CNTNAP2: variants seen among roughly 807,000 people sequenced by gnomAD.
CNTNAP2 encodes contactin-associated protein-like 2.
A neutral mutation model predicts 155.2 loss-of-function variants in CNTNAP2; 98 were observed. The observed-to-expected ratio is 0.63, with a 90% CI of 0.54 to 0.75. The LOEUF (loss-of-function observed/expected upper bound fraction) is 0.75, where lower values mean the gene tolerates loss of function less well. CNTNAP2 is among the 30% of genes least tolerant of loss of function. The pLI is 0.00. For synonymous variants in CNTNAP2, 651 were observed against 631.2 expected (o/e 1.03, Z -0.47); for missense variants, 1,727 against 1,688.1 (o/e 1.02, Z -0.40).
intron 8 of CNTNAP2, among the ~76,000 whole-genome samples, chr7:147,261,919 T>C (rs1025323117): frequency 6.6e-6 from 1 of 152,178 alleles, no homozygotes; most frequent in African/African-American, 2.4e-5. Flanking sequence ...TAATTAAGAA[T>C]CATAATTAAC....
chr7:147,065,634 C>T (rs1799764850), intron 4 of CNTNAP2, among the ~76,000 whole-genome samples: 3 of 152,042 alleles, frequency 2.0e-5, no homozygotes. Flanking sequence ...GTTCAGTTTC[C>T]CTTGTATCTT....
intron 14 of CNTNAP2, among the ~76,000 whole-genome samples, chr7:147,973,160 TAAAAA>T (rs35756000): frequency 0.42 from 50,877 of 121,024 alleles, 11,433 homozygotes; most frequent in Middle Eastern, 0.66. Context: ...TCTCTAAAAT[TAAAAA>T]AAAAAAAAAA....
At chr7:147,224,025 G>A (rs979072789) in intron 8 of CNTNAP2, among the ~76,000 whole-genome samples, 1 of 113,486 alleles carries the variant, frequency 8.8e-6, no homozygotes, top group African/African-American at 3.9e-5. Flanking sequence ...AGTTGGGTTG[G>A]CCCAAGGCCA....
intron 1 of CNTNAP2, among the ~76,000 whole-genome samples, chr7:146,615,368 TGAATCACTA>T (rs1268691545): frequency 6.6e-6 from 1 of 152,198 alleles, no homozygotes; most frequent in Non-Finnish European, 1.5e-5. Flanking sequence ...GACTCCCTTG[TGAATCACTA>T]GATTAACCAA....
intron 1 of CNTNAP2, among the ~76,000 whole-genome samples, chr7:146,489,734 G>C (rs1797111005): frequency 6.6e-6 from 1 of 152,096 alleles, no homozygotes; most frequent in South Asian, 2.1e-4. Context: ...GGTGAAGATG[G>C]GTGGAGAGGA....
intron 1 of CNTNAP2, among the ~76,000 whole-genome samples, chr7:146,545,672 C>T (rs1349818275): frequency 1.3e-5 from 2 of 151,738 alleles, no homozygotes; most frequent in African/African-American, 4.8e-5. Context: ...ATTAAAAAGT[C>T]AGGAAACAAC....
At chr7:147,913,918 C>T (rs1478446302) in intron 14 of CNTNAP2, among the ~76,000 whole-genome samples, 1 of 152,092 alleles carries the variant, frequency 6.6e-6, no homozygotes, top group African/African-American at 2.4e-5. Flanking sequence ...ACTGAGGTTA[C>T]TTTTTTGAGG....
intron 1 of CNTNAP2, among the ~76,000 whole-genome samples, chr7:146,513,799 G>GTTT (rs1797502271): frequency 6.6e-6 from 1 of 151,800 alleles, no homozygotes. Flanking sequence ...TTAAGATGTT[G>GTTT]TTTAACTGCA....
At chr7:148,169,195 A>T (rs979591207) in intron 17 of CNTNAP2, among the ~76,000 whole-genome samples, 3 of 152,232 alleles carry the variant, frequency 2.0e-5, no homozygotes, top group East Asian at 1.9e-4. Context: ...AAGGGAAAAC[A>T]TTAAAATTAC....
chr7:147,333,257 A>G (rs1795605601), intron 9 of CNTNAP2, among the ~76,000 whole-genome samples: 1 of 152,188 alleles, frequency 6.6e-6, no homozygotes, highest in Admixed American at 6.5e-5. Flanking sequence ...GAATACTGAT[A>G]AAAGGCAAAA....
intron 14 of CNTNAP2, among the ~76,000 whole-genome samples, chr7:147,977,457 C>G (rs1411036658): frequency 6.6e-6 from 1 of 152,202 alleles, no homozygotes; most frequent in Non-Finnish European, 1.5e-5. Context: ...TCTGAAGGAA[C>G]TGCTTCAAAT....
chr7:147,874,847 A>G (rs1799395751), intron 13 of CNTNAP2, among the ~76,000 whole-genome samples: 2 of 152,130 alleles, frequency 1.3e-5, no homozygotes, highest in Admixed American at 1.3e-4. Flanking sequence ...ACCCTAAATT[A>G]TCTCACTCAA....
chr7:147,601,642 AAAATAT>A (rs1192650190), intron 12 of CNTNAP2, among the ~76,000 whole-genome samples: 67 of 87,544 alleles, frequency 7.7e-4, no homozygotes, highest in African/African-American at 3.6e-3. Context: ...CTCTTAAAAA[AAAATAT>A]ATATATATAT....
At chr7:146,354,072 T>C (rs1794961652) in intron 1 of CNTNAP2, among the ~76,000 whole-genome samples, 1 of 152,186 alleles carries the variant, frequency 6.6e-6, no homozygotes, top group Admixed American at 6.5e-5. Flanking sequence ...CTCAACGAGA[T>C]AATCTGCAGC....
rs74820911 is a variant in CNTNAP2 at position 147,928,717 on chromosome 7, T to A, written c.2255+24996T>A. On this transcript the variant is annotated intron_variant, in intron 14 of 23. Coordinates refer to ENST00000361727, the MANE Select transcript of CNTNAP2 (RefSeq NM_014141.6). Reference sequence around the variant, plus strand: ...CACTTGGAACTGCTCTACCTGACTATGTAGTGGGTTTTGGGAGAGTCCTAA... The same window carrying A: ...CACTTGGAACTGCTCTACCTGACTAAGTAGTGGGTTTTGGGAGAGTCCTAA... 2.8e-3 allele frequency among the ~76,000 whole-genome samples: 420 copies of A among 152,310 alleles called. 2 individuals are homozygous for A. Among genetic ancestry groups the A allele is most frequent in the African/African-American group, 9.3e-3 (387 of 41,578 alleles).
intron 3 of CNTNAP2, among the ~76,000 whole-genome samples, chr7:146,891,536 C>T (rs1426623520): frequency 6.6e-6 from 1 of 152,174 alleles, no homozygotes; most frequent in Non-Finnish European, 1.5e-5. Flanking sequence ...ACAGAAATTA[C>T]AGGCATACAT....
chr7:147,555,241 G>A (rs1026340670), intron 11 of CNTNAP2, among the ~76,000 whole-genome samples: 1 of 152,122 alleles, frequency 6.6e-6, no homozygotes, highest in South Asian at 2.1e-4. Flanking sequence ...GCAGAATAAG[G>A]AGGGCCCCAG....
At chr7:146,761,574 A>G (rs1802101167) in intron 1 of CNTNAP2, among the ~76,000 whole-genome samples, 1 of 152,036 alleles carries the variant, frequency 6.6e-6, no homozygotes. Flanking sequence ...ATACATTCCC[A>G]TATTTACACT....
rs563963235 is a variant in CNTNAP2, at chr7:147,441,239, A to C, written c.1671-44696A>C. Among the ~76,000 whole-genome samples, 63 of 151,996 alleles carry C rather than the reference A, an allele frequency of 4.1e-4. 2 individuals carry two copies. The South Asian group carries it at 0.013, about 32-fold the overall frequency. On this transcript the variant is annotated intron_variant, in intron 10 of 23. Transcript: ENST00000361727. ...TTCTGCTTGATCAATTCAGCTATTA[A>C]AGGACTCTGATGCATTCTTCAGTAT...
Sources: gnomAD v4.1 joint callset for allele counts (sites outside exome capture counted in the v4.1 genomes callset) on GRCh38, gnomAD v4.1.1 for gene constraint, MANE v1.5 for transcripts, NCBI Gene and HGNC (gene_info 2026-07-23, HGNC 2026-07-21) for gene names.